Variants in ARHGAP9 observed in about 807,000 individuals in gnomAD.
ARHGAP9 encodes Rho GTPase activating protein 9, also known as rho GTPase-activating protein 9.
In ARHGAP9, 76 loss-of-function variants were observed where a neutral mutation model predicts 87.3. That is an observed-to-expected ratio of 0.87 (90% CI 0.72 to 1.05). ARHGAP9 has a LOEUF of 1.05. Ranked by LOEUF, ARHGAP9 falls within the 50% of genes least tolerant of loss-of-function variation. ARHGAP9 has a pLI of 0.00. For synonymous variants in ARHGAP9, 382 were observed against 394.9 expected, an observed-to-expected ratio of 0.97 and a Z score of 0.39; for missense variants, 941 against 960.5, an observed-to-expected ratio of 0.98 and a Z score of 0.27.
intron 7 of ARHGAP9, 63 bp from the exon 8 acceptor site, chr12:57,476,517 G>A: frequency 1.2e-6 from 2 of 1,612,226 alleles, no homozygotes; most frequent in South Asian, 2.2e-5. Context: ...ACACGAGGAG[G>A]GTGCTCTTCC....
chr12:57,480,866 C>T (rs759061177), upstream of ARHGAP9: 71 of 1,539,732 alleles, frequency 4.6e-5, no homozygotes, highest in Non-Finnish European at 6.2e-5. Flanking sequence ...GGTTAAGGAG[C>T]GAATGACCCT....
At chr12:57,475,429 C>A in intron 11 of ARHGAP9, 31 bp from the exon 12 acceptor site, 1 of 1,576,966 alleles carries the variant, frequency 6.3e-7, no homozygotes, top group Middle Eastern at 1.9e-4. Flanking sequence ...GGGGCGTGAG[C>A]GCCCGGGAGC....
intron 12 of ARHGAP9, 87 bp downstream of exon 12, chr12:57,475,204 A>G: frequency 7.3e-7 from 1 of 1,360,770 alleles, no homozygotes. Flanking sequence ...AGCAGCAGTC[A>G]CAGAAGGTTG....
chr12:57,480,742 A>G (rs899754694), upstream of ARHGAP9: 5 of 1,542,562 alleles, frequency 3.2e-6, no homozygotes, highest in African/African-American at 5.5e-5. Flanking sequence ...CTGGATTACC[A>G]GCACTTTAAA....
intron 4 of ARHGAP9, 90 bp from the exon 5 acceptor site, chr12:57,477,359 A>G (rs563046848): frequency 2.0e-6 from 3 of 1,522,906 alleles, no homozygotes; most frequent in South Asian, 1.2e-5. Flanking sequence ...GATTCTTCTG[A>G]TCTTCTGAGA....
Position 57,472,404 on chromosome 12 carries a change from T to G in ARHGAP9, c.*113A>C. On this transcript the variant is annotated 3_prime_UTR_variant, in exon 18 of 18. Transcript: ENST00000393791. ...ATCCCAACACCTCAAGTCACACTCA[T>G]GAAGATAGAGACAGTCATTTGGGAG... The G allele has an allele frequency of 7.5e-7, 1 of 1,330,816 alleles. No homozygotes were observed. The highest frequency in any genetic ancestry group is 1.5e-5 in the South Asian group (1 of 66,386). The allele number at this position is 1,330,816 out of a possible 1,614,324, so 82.4% of individuals were successfully genotyped here.
chr12:57,479,235 T>C lies in ARHGAP9; in HGVS notation c.172A>G (p.Asn58Asp). Residue 58 changes from asparagine (N) to aspartate (D), a missense_variant, in exon 2 of 18, where the codon AAC becomes GAC. By Grantham distance (23) the Asn-to-Asp change is conservative. Coordinates refer to ENST00000393791, the MANE Select transcript of ARHGAP9 (RefSeq NM_032496.4). ...CGTCTTGCCAACCACCAGTCGGAGT[T>C]GGTCTTTCGAAGCAGTAGGAACCTA... ...GDRFLLLRKT[N>D]SDWWLARRLE... The C allele has an allele frequency of 1.2e-6, 2 of 1,614,134 alleles. No homozygotes were observed. Among genetic ancestry groups the C allele is most frequent in the Non-Finnish European group, 1.7e-6 (2 of 1,180,008 alleles).
chr12:57,482,236 C>CA (rs1246653421), upstream of ARHGAP9, among the ~76,000 whole-genome samples: 3 of 151,396 alleles, frequency 2.0e-5, no homozygotes, highest in Admixed American at 6.6e-5. Context: ...CCTGCCTCTA[C>CA]AAAAAAAATT....
rs1300723418 is a variant in ARHGAP9, at chr12:57,476,870, C to T, written c.963+1G>A. ...CCTTCACAAAGAAATGGGAGATTCA[C>T]ATGGGGGTCGTCCAGGAGCTGCGGC... On this transcript the variant is annotated splice_donor_variant, in intron 6 of 17. Coordinates refer to ENST00000393791, the MANE Select transcript of ARHGAP9 (RefSeq NM_032496.4). LOFTEE classifies it high-confidence loss of function. The T allele has an allele frequency of 1.2e-6, 2 of 1,613,386 alleles. No homozygotes were observed. Among genetic ancestry groups the T allele is most frequent in the African/African-American group, 1.3e-5 (1 of 74,808 alleles).
chr12:57,477,727 C>T lies in ARHGAP9; in HGVS notation c.535-47G>A, dbSNP rs760138596. On this transcript the variant is annotated intron_variant, in intron 3 of 17. Coordinates refer to ENST00000393791, the MANE Select transcript of ARHGAP9 (RefSeq NM_032496.4). ...GGAGGTGGTCATTCTGCCTGTTGCCCTTCCCATGCTTCTCTTGGCCTTCCC... is the reference window on the plus strand; with the variant it reads ...GGAGGTGGTCATTCTGCCTGTTGCCTTTCCCATGCTTCTCTTGGCCTTCCC... The T allele has an allele frequency of 1.9e-6, 3 of 1,598,264 alleles. No homozygotes were observed. The African/African-American group carries it at 4.0e-5, about 21-fold the overall frequency.
chr12:57,487,969 G>C, intron 1 of ARHGAP9: 1 of 754,840 alleles, frequency 1.3e-6, no homozygotes, highest in South Asian at 1.6e-5. Flanking sequence ...TCTACTTTCC[G>C]GTAGCGGTGC....
In ARHGAP9 at chr12:57,479,148, A is replaced by C. The variant is rs753190159; in HGVS notation, c.259T>G (p.Ser87Ala). ...FVPAAYMIEE[S>A]IPSQSPTTVI... ...GTAGTTGGACTCTGGGAAGGGATGG[A>C]TTCCTCTATCATATAGGCTGCTGGG... Residue 87 changes from serine to alanine, a missense_variant, in exon 2 of 18, where the codon TCC becomes GCC. Physicochemically the swap from Ser to Ala is moderately conservative, Grantham distance 99. Coordinates refer to ENST00000393791, the MANE Select transcript of ARHGAP9 (RefSeq NM_032496.4). The C allele has an allele frequency of 9.3e-6, 15 of 1,614,064 alleles. No homozygotes were observed. In the East Asian group the frequency reaches 3.3e-4, roughly 36 times the overall value.
upstream of ARHGAP9, among the ~76,000 whole-genome samples, chr12:57,481,097 G>C (rs1327469004): frequency 6.6e-6 from 1 of 151,240 alleles, no homozygotes; most frequent in Non-Finnish European, 1.5e-5. Context: ...CCCTTTTTTT[G>C]CCTTCTCTGA....
chr12:57,485,646 C>T (rs1277731546), intron 1 of ARHGAP9, among the ~76,000 whole-genome samples: 2 of 151,618 alleles, frequency 1.3e-5, no homozygotes, highest in Non-Finnish European at 2.9e-5. Context: ...GCCCAAAGCA[C>T]AGGGATTACA....
At chr12:57,475,452 C>T (rs1354922398) in intron 11 of ARHGAP9, 31 bp downstream of exon 11, 29 of 1,579,316 alleles carry the variant, frequency 1.8e-5, no homozygotes, top group Non-Finnish European at 2.3e-5. Context: ...CGCTGCGCTC[C>T]CGGACTCTCC....
exon 1 of ARHGAP9, chr12:57,488,776 C>T: frequency 3.1e-6 from 3 of 963,474 alleles, no homozygotes; most frequent in Non-Finnish European, 3.2e-6. Context: ...TATCCCAATA[C>T]CACCACCTCC....
rs776968480 is a variant in ARHGAP9, at chr12:57,475,886, C to G, written c.1258G>C (p.Glu420Gln). ...GHEFLLQSDH[E>Q]TELRAWHRAL... ...CGGTGCCAGGCTCGCAGCTCTGTCT[C>G]GTGGTCCGACTGCAGCAGGAACTCG... Residue 420 changes from glutamate (E) to glutamine (Q), a missense_variant, in exon 10 of 18, where the codon GAG becomes CAG. Transcript: ENST00000393791. 6.2e-7 allele frequency: 1 copy of G among 1,613,892 alleles called. No homozygotes were observed.
At chr12:57,476,781 C>G (rs1873858325) in intron 6 of ARHGAP9, 90 bp downstream of exon 6, 1 of 1,417,966 alleles carries the variant, frequency 7.1e-7, no homozygotes, top group Non-Finnish European at 9.8e-7. Context: ...GGAGGATATT[C>G]AGAAAGAGGA....
rs1873575876 is a variant in ARHGAP9, at chr12:57,476,145, C to CA, written c.1137_1138insT (p.Glu380Ter). The stretch of plus-strand genomic sequence containing the variant: ...GCCCCGCGCAGGTCCACGCTACTTT[C>CA]GGGCCGGCTACCCGCTGGTCCCTGA... On this transcript the variant is annotated frameshift_variant, in exon 9 of 18. Coordinates refer to ENST00000393791, the MANE Select transcript of ARHGAP9 (RefSeq NM_032496.4). LOFTEE classifies it high-confidence loss of function. 1 of 1,542,742 alleles carries CA rather than the reference C, an allele frequency of 6.5e-7. No homozygotes were observed.
Sources: allele counts gnomAD v4.1 joint callset (sites outside exome capture counted in the v4.1 genomes callset), GRCh38; gene constraint gnomAD v4.1.1; transcripts MANE v1.5; gene names NCBI Gene and HGNC (gene_info 2026-07-23, HGNC 2026-07-21).